The following RYK variants were observed in gnomAD, a reference collection of about 807,000 sequenced individuals.
The protein encoded by RYK is inactive tyrosine-protein kinase RYK.
A neutral mutation model predicts 70.2 loss-of-function variants in RYK; 21 were observed. The observed-to-expected ratio is 0.30, with a 90% CI of 0.21 to 0.43. The LOEUF is 0.43. RYK is among the 20% of genes least tolerant of loss of function. The pLI is 1.00. For synonymous variants in RYK, 267 were observed against 278.0 expected, an observed-to-expected ratio of 0.96 and a Z score of 0.39; for missense variants, 604 against 753.3, an observed-to-expected ratio of 0.80 and a Z score of 2.32.
chr3:134,201,585 T>C (rs1346733709), intron 6 of RYK, among the ~76,000 whole-genome samples: 2 of 152,010 alleles, frequency 1.3e-5, no homozygotes, highest in African/African-American at 2.4e-5. Flanking sequence ...AGAAAAGACT[T>C]CATGAAAGAG....
chr3:134,193,046 T>A (rs996478560), intron 7 of RYK, among the ~76,000 whole-genome samples: 8 of 152,240 alleles, frequency 5.3e-5, no homozygotes, highest in South Asian at 2.1e-4. Flanking sequence ...TTGACTTTTT[T>A]AAAAAGTGTT....
At chr3:134,241,812 C>T (rs1470689155) in intron 1 of RYK, among the ~76,000 whole-genome samples, 1 of 152,210 alleles carries the variant, frequency 6.6e-6, no homozygotes, top group African/African-American at 2.4e-5. Context: ...ACAACCTCAG[C>T]ATCTCAGCTT....
At position 134,157,651 on chromosome 3, in the gene RYK, T is replaced by C. The variant is rs919294849; in HGVS notation, c.*502A>G. On this transcript the variant is annotated 3_prime_UTR_variant, in exon 15 of 15. Coordinates refer to ENST00000623711, the MANE Select transcript of RYK (RefSeq NM_002958.4). ...CTTTTCTTGTACAAGGCAGACCAGG[T>C]ATCTTTTTATGCTGTTTTTCCTTTA... 8 of 152,788 alleles carry C rather than the reference T, an allele frequency of 5.2e-5. No homozygotes were observed. The highest frequency in any genetic ancestry group is 1.7e-4 in the African/African-American group (7 of 41,576). 9.5% of individuals were successfully genotyped at this position (152,788 alleles called of 1,614,324 possible). A position where few individuals can be genotyped will look rare whatever the true frequency, so the allele number is the denominator to read the frequency against.
intron 2 of RYK, among the ~76,000 whole-genome samples, chr3:134,222,023 T>C (rs1000924938): frequency 2.6e-5 from 4 of 152,200 alleles, no homozygotes; most frequent in African/African-American, 9.7e-5. Flanking sequence ...GTGGGAGAAC[T>C]GTATCCATTC....
intron 6 of RYK, among the ~76,000 whole-genome samples, chr3:134,198,673 T>C (rs2013891172): frequency 6.6e-6 from 1 of 152,310 alleles, no homozygotes; most frequent in South Asian, 2.1e-4. Context: ...CACGCTTCCC[T>C]GGGACAGAAA....
chr3:134,244,657 C>T (rs753964994), intron 1 of RYK, among the ~76,000 whole-genome samples: 1 of 152,178 alleles, frequency 6.6e-6, no homozygotes, highest in Non-Finnish European at 1.5e-5. Flanking sequence ...GCTTCTGAAG[C>T]TTTCGGTGTT....
intron 2 of RYK, among the ~76,000 whole-genome samples, chr3:134,220,050 T>C (rs1191900245): frequency 6.6e-6 from 1 of 152,172 alleles, no homozygotes; most frequent in East Asian, 1.9e-4. Flanking sequence ...AATTGGCACC[T>C]TGTGCACTGG....
At chr3:134,210,679 G>A (rs1022715016) in intron 3 of RYK, among the ~76,000 whole-genome samples, 12 of 152,168 alleles carry the variant, frequency 7.9e-5, no homozygotes, top group African/African-American at 2.9e-4. Flanking sequence ...TAAGAAGTTA[G>A]CTCAAAAGCA....
chr3:134,184,997 T>C (rs1330119418), intron 9 of RYK, among the ~76,000 whole-genome samples: 1 of 145,270 alleles, frequency 6.9e-6, no homozygotes, highest in Non-Finnish European at 1.5e-5. Flanking sequence ...TAGCAGGGTG[T>C]GGTGTTGCAC....
chr3:134,237,054 A>G (rs1378986357), intron 1 of RYK, among the ~76,000 whole-genome samples: 1 of 152,200 alleles, frequency 6.6e-6, no homozygotes, highest in African/African-American at 2.4e-5. Context: ...ACTCAAATTC[A>G]AAGCTAAAAA....
intron 2 of RYK, 111 bp from the exon 3 acceptor site, chr3:134,211,718 C>T (rs182627167): frequency 4.6e-6 from 3 of 649,890 alleles, no homozygotes; most frequent in East Asian, 2.8e-5. Flanking sequence ...TTCATATGTA[C>T]AAATAATCTA....
chr3:134,160,446 A>G, intron 13 of RYK, among the ~76,000 whole-genome samples: 1 of 146,746 alleles, frequency 6.8e-6, no homozygotes, highest in South Asian at 2.2e-4. Flanking sequence ...TTATTTTTCA[A>G]TAACAACAAA....
chr3:134,198,217 AAAGC>A (rs2013874405), intron 6 of RYK, among the ~76,000 whole-genome samples: 1 of 152,380 alleles, frequency 6.6e-6, no homozygotes, highest in South Asian at 2.1e-4. Flanking sequence ...TTGATTTTCA[AAAGC>A]AAGTAAAATT....
At position 134,250,655 on chromosome 3, in the gene RYK, GGCC is replaced by G. The variant is rs1374122514; in HGVS notation, c.-4_-2del. The G allele has an allele frequency of 9.5e-5, 93 of 979,400 alleles. No individual in the cohort carries two copies. Among genetic ancestry groups the G allele is most frequent in the Middle Eastern group, 5.2e-4 (1 of 1,930 alleles). The allele number at this position is 979,400 out of a possible 1,614,324, so 60.7% of individuals were successfully genotyped here. ...GCCCCAGCCGCGCCGCCCCACGCAT[GGCC>G]GCCGCCGCCGCCGCCGAAGAGGAGC... On this transcript the variant is annotated 5_prime_UTR_variant, in exon 1 of 15. Transcript: ENST00000623711.
At position 134,202,725 on chromosome 3, in the gene RYK, A is replaced by G; in HGVS notation, c.788+5T>C. 1 of 1,611,216 alleles carries G rather than the reference A, an allele frequency of 6.2e-7. No individual in the cohort carries two copies. Among genetic ancestry groups the G allele is most frequent in the African/African-American group, 1.3e-5 (1 of 74,896 alleles). ...TTTTTTTCTTTCCCAAAATATGTAC[A>G]ATACCTGTCATCCAGTTCAATCCTT... On this transcript the variant is annotated splice_donor_5th_base_variant and intron_variant, in intron 6 of 14. Transcript: ENST00000623711.
intron 2 of RYK, among the ~76,000 whole-genome samples, chr3:134,214,515 C>A (rs913247236): frequency 6.6e-6 from 1 of 152,150 alleles, no homozygotes; most frequent in Admixed American, 6.5e-5. Flanking sequence ...TACTGACAGT[C>A]ATATTGGCAC....
chr3:134,175,771 G>T lies in RYK; in HGVS notation c.1416-3C>A. On this transcript the variant is annotated splice_polypyrimidine_tract_variant and splice_region_variant and intron_variant, in intron 12 of 14. Transcript: ENST00000623711. ...TAACTTGAAGTGTGTCATCAATGCT[G>T]AAAAGTAAAGATATGAACATCAAAT... is the stretch of plus-strand genomic sequence containing the variant. The T allele has an allele frequency of 6.2e-7, 1 of 1,613,606 alleles. No homozygotes were observed. Among genetic ancestry groups the T allele is most frequent in the Non-Finnish European group, 8.5e-7 (1 of 1,179,580 alleles).
At chr3:134,160,921 A>G (rs1447329779) in intron 13 of RYK, among the ~76,000 whole-genome samples, 4 of 152,232 alleles carry the variant, frequency 2.6e-5, no homozygotes, top group Admixed American at 2.6e-4. Context: ...ATACTTCAAC[A>G]ATGAAGATAA....
intron 1 of RYK, among the ~76,000 whole-genome samples, chr3:134,240,008 G>A (rs2015281838): frequency 1.3e-5 from 2 of 152,216 alleles, no homozygotes; most frequent in Admixed American, 1.3e-4. Context: ...AGTGGTGCAG[G>A]GAGGGGCAGG....
Sources: gnomAD v4.1 joint callset for allele counts (sites outside exome capture counted in the v4.1 genomes callset) on GRCh38, gnomAD v4.1.1 for gene constraint, MANE v1.5 for transcripts, NCBI Gene and HGNC (gene_info 2026-07-23, HGNC 2026-07-21) for gene names.